KCNT1: variants seen among roughly 807,000 people sequenced by gnomAD.
The protein encoded by KCNT1 is potassium channel subfamily T member 1.
KCNT1 carries 78 observed loss-of-function variants against 147.8 expected under a neutral mutation model. The ratio of observed to expected loss-of-function variants is 0.53; its 90% CI spans 0.44 to 0.64. The LOEUF (loss-of-function observed/expected upper bound fraction) is 0.64. KCNT1 is among the 30% of genes least tolerant of loss of function. KCNT1 has a pLI of 0.00. For missense variants in KCNT1, 1,419 were observed against 1,750.3 expected (o/e 0.81, Z 3.38); for synonymous variants, 867 against 748.8 (o/e 1.16, Z -2.58).
In KCNT1 at chr9:135,702,312, C is replaced by T. The variant is rs754697766; in HGVS notation, c.54C>T (p.Arg18=). Residue 18 remains arginine (R), a synonymous_variant, in exon 1 of 31, where the codon CGC becomes CGT. Coordinates refer to ENST00000371757, the MANE Select transcript of KCNT1 (RefSeq NM_020822.3). ...CGGGGGGCGTCTGCCGGGAGGCGCG[C>T]GGCGGGGGCTACACCAACCGGACCT... is the stretch of plus-strand genomic sequence containing the variant. ...RTPGGVCREA[R]GGGYTNRTFE... is the part of the protein sequence containing the mutation. The T allele has an allele frequency of 1.2e-6, 2 of 1,610,554 alleles. No homozygotes were observed. The highest frequency in any genetic ancestry group is 1.7e-5 in the Admixed American group (1 of 59,900).
chr9:135,792,320 G>A lies in KCNT1; in HGVS notation c.*159G>A, dbSNP rs1339990134. 34 of 948,962 alleles carry A rather than the reference G, an allele frequency of 3.6e-5. No individual in the cohort carries two copies. The highest frequency in any genetic ancestry group is 6.1e-5 in the Admixed American group (2 of 33,026). 58.8% of individuals were successfully genotyped at this position (948,962 alleles called of 1,614,324 possible). A position where few individuals can be genotyped will look rare whatever the true frequency, so the allele number is the denominator to read the frequency against. ...CACCCTGGAAAGGAGCCCCTCATGC[G>A]GGGGGAGGGCCAGCTCACCCCTGGG... On this transcript the variant is annotated 3_prime_UTR_variant, in exon 31 of 31. Coordinates refer to ENST00000371757, the MANE Select transcript of KCNT1 (RefSeq NM_020822.3).
At chr9:135,783,856 C>T (rs1001625757) in intron 24 of KCNT1, among the ~76,000 whole-genome samples, 168 bp from the exon 25 acceptor site, 7 of 152,274 alleles carry the variant, frequency 4.6e-5, no homozygotes, top group African/African-American at 1.7e-4. Flanking sequence ...TGTATGCACA[C>T]ATGCAGACAC....
In KCNT1 at chr9:135,711,641, A is replaced by G. The variant is rs561020399; in HGVS notation, c.111-2936A>G. Among the ~76,000 whole-genome samples, 165 of 152,310 alleles carry G rather than the reference A, an allele frequency of 1.1e-3. 1 individual carries two copies. Among genetic ancestry groups the G allele is most frequent in the African/African-American group, 1.6e-3 (67 of 41,566 alleles). ...GGTCAGTGCACGTGACTACGTGTGC[A>G]CCAAACAGCTGACGGGGACTTCCTG... On this transcript the variant is annotated intron_variant, in intron 1 of 30. Coordinates refer to ENST00000371757, the MANE Select transcript of KCNT1 (RefSeq NM_020822.3).
At chr9:135,785,939 G>A (rs1239631608) in intron 28 of KCNT1, 2 of 551,656 alleles carry the variant, frequency 3.6e-6, no homozygotes, top group East Asian at 6.4e-5. Context: ...GCAGCCTGGC[G>A]AATCCCTTGA....
At chr9:135,791,614 TGGGACAGGTGTC>T (rs1308559528) in intron 29 of KCNT1, 171 bp from the exon 30 acceptor site, 9 of 592,130 alleles carry the variant, frequency 1.5e-5, no homozygotes, top group Non-Finnish European at 2.7e-5. Flanking sequence ...TGTGTGGAGA[TGGGACAGGTGTC>T]GGTCAGGGAT....
At chr9:135,742,584 C>G (rs73574645) in intron 2 of KCNT1, among the ~76,000 whole-genome samples, 4,126 of 148,762 alleles carry the variant, frequency 0.028, 175 homozygotes, top group African/African-American at 0.097. Flanking sequence ...CTCTCCCGTG[C>G]CCGGGGGCGC....
chr9:135,742,660 T>C, intron 2 of KCNT1: 1 of 698,288 alleles, frequency 1.4e-6, no homozygotes, highest in Non-Finnish European at 2.7e-6. Flanking sequence ...GAGCCCAGGC[T>C]CTCCATCTGT....
chr9:135,729,853 A>C lies in KCNT1; in HGVS notation c.254+15133A>C, dbSNP rs568367497. On this transcript the variant is annotated intron_variant, in intron 2 of 30. Coordinates refer to ENST00000371757, the MANE Select transcript of KCNT1 (RefSeq NM_020822.3). Reference sequence around the variant, plus strand: ...GGTTGCCCGTGTCAAAGATGGCCTGATGGACCTGCTGGGGCCAGCCCAACC... The same window carrying C: ...GGTTGCCCGTGTCAAAGATGGCCTGCTGGACCTGCTGGGGCCAGCCCAACC... Among the ~76,000 whole-genome samples the C allele has an allele frequency of 4.6e-5, 7 of 152,238 alleles. No individual in the cohort carries two copies. The East Asian group carries it at 1.4e-3, about 30-fold the overall frequency.
At chr9:135,751,625 CCTT>C (rs1163547784) in intron 4 of KCNT1, among the ~76,000 whole-genome samples, 2 of 152,202 alleles carry the variant, frequency 1.3e-5, no homozygotes, top group Non-Finnish European at 2.9e-5. Flanking sequence ...TGTTCTGTCT[CCTT>C]CTGCTGTTGC....
At chr9:135,785,706 CAGCACCCCACGACCCACAGGCTCT>C in intron 28 of KCNT1, 1 of 488,102 alleles carries the variant, frequency 2.0e-6, no homozygotes, top group South Asian at 2.1e-5. Flanking sequence ...TACCTCTTCC[CAGCACCCCACGACCCACAGGCTCT>C]GGCACCCCAC....
chr9:135,774,444 G>T (rs1309938638), intron 19 of KCNT1, among the ~76,000 whole-genome samples: 1 of 142,106 alleles, frequency 7.0e-6, no homozygotes. Context: ...GTGTGTCTGT[G>T]GTGTGTCTGT....
At chr9:135,704,174 G>A (rs1440450946) in intron 1 of KCNT1, among the ~76,000 whole-genome samples, 2 of 152,230 alleles carry the variant, frequency 1.3e-5, no homozygotes, top group East Asian at 1.9e-4. Context: ...GGGGAGGAGG[G>A]TGCCAGGCAA....
At chr9:135,751,127 C>G in intron 4 of KCNT1, 86 bp downstream of exon 4, 2 of 1,248,404 alleles carry the variant, frequency 1.6e-6, no homozygotes, top group Admixed American at 3.4e-5. Flanking sequence ...TGATGGCGTC[C>G]CTGGGGGAGC....
intron 4 of KCNT1, among the ~76,000 whole-genome samples, chr9:135,751,803 CCT>C (rs1181686470): frequency 6.6e-6 from 1 of 152,144 alleles, no homozygotes; most frequent in African/African-American, 2.4e-5. Context: ...CAACCCCAGG[CCT>C]CTCTCTCTGG....
At chr9:135,747,719 G>T (rs990050133) in intron 2 of KCNT1, among the ~76,000 whole-genome samples, 1 of 152,082 alleles carries the variant, frequency 6.6e-6, no homozygotes, top group Non-Finnish European at 1.5e-5. Flanking sequence ...GGCATGATGG[G>T]GCACTCTGGG....
intron 7 of KCNT1, 77 bp from the exon 8 acceptor site, chr9:135,757,079 C>A: frequency 7.2e-6 from 6 of 832,906 alleles, no homozygotes; most frequent in Non-Finnish European, 9.7e-6. Context: ...TCGCCCTCTT[C>A]CCCACCCTGC....
At chr9:135,722,733 C>T (rs140788870) in intron 2 of KCNT1, among the ~76,000 whole-genome samples, 149 of 152,286 alleles carry the variant, frequency 9.8e-4, no homozygotes, top group African/African-American at 3.5e-3. Context: ...ACTGCGCCCA[C>T]GGGGCAGAGA....
intron 2 of KCNT1, among the ~76,000 whole-genome samples, chr9:135,728,548 G>A (rs1300346982): frequency 5.9e-5 from 9 of 152,334 alleles, no homozygotes; most frequent in Admixed American, 2.0e-4. Context: ...GCCCTGTTCC[G>A]GGGGAACAGG....
intron 2 of KCNT1, among the ~76,000 whole-genome samples, chr9:135,723,955 G>A (rs1299778593): frequency 1.3e-5 from 2 of 152,182 alleles, no homozygotes; most frequent in African/African-American, 4.8e-5. Flanking sequence ...TGTGGGCTGG[G>A]GAGGCCCAGG....
Sources: allele counts gnomAD v4.1 joint callset (sites outside exome capture counted in the v4.1 genomes callset), GRCh38; gene constraint gnomAD v4.1.1; transcripts MANE v1.5; gene names NCBI Gene and HGNC (gene_info 2026-07-23, HGNC 2026-07-21).